The following SLC4A1AP variants were observed in gnomAD, a reference collection of about 807,000 sequenced individuals.
SLC4A1AP encodes the protein solute carrier family 4 member 1 adaptor protein.
Under a neutral mutation model 89.7 loss-of-function variants are expected in SLC4A1AP, and 64 were observed. That is an observed-to-expected ratio of 0.71 (90% confidence interval 0.58 to 0.88). SLC4A1AP has a LOEUF of 0.88. Ranked by LOEUF, SLC4A1AP falls within the 40% of genes least tolerant of loss-of-function variation. The pLI, the probability that SLC4A1AP is intolerant of heterozygous loss-of-function variation, is 0.00. For synonymous variants in SLC4A1AP, 366 were observed against 353.3 expected (o/e 1.04, Z -0.40); for missense variants, 931 against 965.0 (o/e 0.96, Z 0.47).
At chr2:27,673,302 T>TTCTCTCTC (rs10659481) in intron 5 of SLC4A1AP, among the ~76,000 whole-genome samples, 17 of 148,802 alleles carry the variant, frequency 1.1e-4, no homozygotes, top group African/African-American at 3.7e-4. Flanking sequence ...ATGAATTTCT[T>TTCTCTCTC]TCTCTCTCTC....
rs745728298 is a variant in SLC4A1AP, at chr2:27,677,804, CA to C, written c.1644del (p.Leu549Ter). ...ATGTCAGAAATGAAATCAGGCAGTA[CA>C]TTAGATGGTGTGTCCCGGAAGAAAC... On this transcript the variant is annotated frameshift_variant, in exon 8 of 14. Transcript: ENST00000613058. LOFTEE classifies it high-confidence loss of function. The C allele has an allele frequency of 4.3e-6, 7 of 1,613,722 alleles. No homozygotes were observed. The highest frequency in any genetic ancestry group is 4.2e-6 in the Non-Finnish European group (5 of 1,179,786).
intron 12 of SLC4A1AP, chr2:27,691,494 T>G (rs934833101): frequency 6.6e-6 from 1 of 152,112 alleles, no homozygotes; most frequent in South Asian, 2.1e-4. Context: ...ACCACCTTTT[T>G]TTTCATTGAT....
chr2:27,690,073 A>C (rs1675765227), intron 12 of SLC4A1AP, among the ~76,000 whole-genome samples: 1 of 152,236 alleles, frequency 6.6e-6, no homozygotes, highest in African/African-American at 2.4e-5. Flanking sequence ...AAGATCATTA[A>C]TAGAAACTGT....
Position 27,664,216 on chromosome 2 carries a change from A to G in SLC4A1AP, c.464A>G (p.Gln155Arg), listed in dbSNP as rs754655795. 5 of 1,613,732 alleles carry G rather than the reference A, an allele frequency of 3.1e-6. No homozygotes were observed. The African/African-American group carries it at 4.0e-5, about 13-fold the overall frequency. ...GGTCCAGCCCGGGCTCCCCCCTACC[A>G]AGAGCCTCCATGGGGTGGCCCTGCC... The change falls in exon 1 of 14, where the codon CAA becomes CGA. Residue 155 changes from glutamine to arginine, a missense_variant. Physicochemically the swap from Gln to Arg is conservative, Grantham distance 43. Transcript: ENST00000613058.
exon 14 of SLC4A1AP, chr2:27,694,800 T>C (rs1321523837): frequency 1.3e-6 from 1 of 749,204 alleles, no homozygotes; most frequent in East Asian, 2.7e-5. Flanking sequence ...ATCTGGTGAC[T>C]GGCTTTTCGT....
chr2:27,672,335 T>TTTC (rs113774197), intron 5 of SLC4A1AP, among the ~76,000 whole-genome samples: 12,909 of 152,094 alleles, frequency 0.085, 1,632 homozygotes, highest in African/African-American at 0.28. Context: ...CTTTTCCTTC[T>TTTC]TGAGAGATTT....
chr2:27,688,908 T>C, intron 12 of SLC4A1AP, 141 bp downstream of exon 12: 1 of 575,978 alleles, frequency 1.7e-6, no homozygotes, highest in East Asian at 3.2e-5. Flanking sequence ...TTCTTTGATT[T>C]TTGTTTTTGA....
intron 5 of SLC4A1AP, among the ~76,000 whole-genome samples, chr2:27,671,847 A>G (rs1675431390): frequency 6.6e-6 from 1 of 152,232 alleles, no homozygotes; most frequent in Non-Finnish European, 1.5e-5. Flanking sequence ...GACATCCTCT[A>G]GTAGATTTCA....
exon 1 of SLC4A1AP, chr2:27,663,915 A>G (rs1675246302): frequency 1.2e-6 from 2 of 1,613,978 alleles, no homozygotes; most frequent in Non-Finnish European, 1.7e-6. Flanking sequence ...CCGGTTGAGG[A>G]TGGCTGACAT....
At chr2:27,664,454 C>T in exon 1 of SLC4A1AP, 2 of 1,614,218 alleles carry the variant, frequency 1.2e-6, no homozygotes, top group Non-Finnish European at 1.7e-6. Flanking sequence ...TCTACCTCTA[C>T]GATCTGGGAA....
At chr2:27,674,408 T>C (rs555919483) in intron 5 of SLC4A1AP, among the ~76,000 whole-genome samples, 2 of 152,216 alleles carry the variant, frequency 1.3e-5, no homozygotes, top group African/African-American at 4.8e-5. Flanking sequence ...TTGATATTTA[T>C]AGAATAAATT....
exon 8 of SLC4A1AP, chr2:27,677,788 A>G: frequency 6.2e-7 from 1 of 1,613,316 alleles, no homozygotes; most frequent in Non-Finnish European, 8.5e-7. Flanking sequence ...CATGTCAGAA[A>G]TGAAATCAGG....
intron 10 of SLC4A1AP, among the ~76,000 whole-genome samples, chr2:27,687,158 T>A (rs961205211): frequency 6.6e-6 from 1 of 152,174 alleles, no homozygotes; most frequent in Non-Finnish European, 1.5e-5. Context: ...TAGACTATTC[T>A]TTTTAAAATG....
chr2:27,682,441 C>A, intron 9 of SLC4A1AP, 82 bp downstream of exon 9: 1 of 761,658 alleles, frequency 1.3e-6, no homozygotes, highest in Non-Finnish European at 2.2e-6. Flanking sequence ...TTTGAAACTA[C>A]AAATGACTCA....
intron 10 of SLC4A1AP, among the ~76,000 whole-genome samples, chr2:27,685,756 A>C (rs1675695215): frequency 6.6e-6 from 1 of 152,214 alleles, no homozygotes; most frequent in Non-Finnish European, 1.5e-5. Context: ...TTTGGAACCT[A>C]GCACAAAACC....
At chr2:27,681,725 G>A (rs1675622823) in intron 8 of SLC4A1AP, among the ~76,000 whole-genome samples, 1 of 152,122 alleles carries the variant, frequency 6.6e-6, no homozygotes, top group Non-Finnish European at 1.5e-5. Context: ...CAGCCGTTGA[G>A]AATGTTGACA....
intron 9 of SLC4A1AP, among the ~76,000 whole-genome samples, chr2:27,684,042 A>G (rs1422006013): frequency 1.3e-5 from 2 of 152,084 alleles, no homozygotes; most frequent in Admixed American, 6.6e-5. Context: ...TAGGCTTTTC[A>G]ATCTGTTGCG....
At chr2:27,664,837 G>A (rs1035215084) in intron 1 of SLC4A1AP, among the ~76,000 whole-genome samples, 9 of 152,152 alleles carry the variant, frequency 5.9e-5, no homozygotes, top group Non-Finnish European at 1.3e-4. Flanking sequence ...GGAGGCCCAG[G>A]CGGGAGGATC....
intron 8 of SLC4A1AP, among the ~76,000 whole-genome samples, chr2:27,681,621 C>T (rs1203171453): frequency 6.6e-6 from 1 of 152,088 alleles, no homozygotes; most frequent in African/African-American, 2.4e-5. Flanking sequence ...TTTGTTTTTG[C>T]TCTGTTCTCC....
Sources: allele counts gnomAD v4.1 joint callset (sites outside exome capture counted in the v4.1 genomes callset), GRCh38; gene constraint gnomAD v4.1.1; transcripts MANE v1.5; gene names NCBI Gene and HGNC (gene_info 2026-07-23, HGNC 2026-07-21).